Variants in TMEM212 observed in about 807,000 individuals in gnomAD.
TMEM212 encodes the protein transmembrane protein 212.
Under a neutral mutation model 20.5 loss-of-function variants are expected in TMEM212, and 23 were observed. The observed-to-expected ratio is 1.12, with a 90% CI of 0.81 to 1.59. The LOEUF (loss-of-function observed/expected upper bound fraction) is 1.59. TMEM212 is among the 40% of genes most tolerant of loss of function. The pLI is 0.00. For synonymous variants in TMEM212, 76 were observed against 81.6 expected (o/e 0.93, Z 0.37); for missense variants, 211 against 215.0 (o/e 0.98, Z 0.12).
At chr3:171,845,579 A>G (rs1322633474) in intron 1 of TMEM212, among the ~76,000 whole-genome samples, 1 of 152,222 alleles carries the variant, frequency 6.6e-6, no homozygotes, top group East Asian at 1.9e-4. Context: ...TCTAGGCCAA[A>G]CATCTATTTT....
intron 2 of TMEM212, among the ~76,000 whole-genome samples, chr3:171,852,697 T>G (rs954391743): frequency 2.6e-5 from 4 of 152,224 alleles, no homozygotes; most frequent in African/African-American, 9.6e-5. Context: ...TCCAATCTTC[T>G]TGGTACCTCT....
chr3:171,847,567 T>C (rs573797643), intron 1 of TMEM212, among the ~76,000 whole-genome samples: 40 of 152,218 alleles, frequency 2.6e-4, no homozygotes, highest in African/African-American at 9.6e-4. Context: ...TTCAGGATTA[T>C]TGCAATAGGG....
chr3:171,856,562 G>A (rs1211788879), intron 3 of TMEM212, 101 bp from the exon 4 acceptor site: 3 of 516,782 alleles, frequency 5.8e-6, no homozygotes, highest in Non-Finnish European at 1.0e-5. Context: ...TGGTAAATTT[G>A]GGAGCTAAGT....
intron 1 of TMEM212, among the ~76,000 whole-genome samples, chr3:171,847,942 G>A (rs1724876668): frequency 6.6e-6 from 1 of 152,176 alleles, no homozygotes; most frequent in South Asian, 2.1e-4. Context: ...GAAGGTTCAG[G>A]AACCTGACTA....
At chr3:171,853,257 G>T (rs1210327130) in intron 2 of TMEM212, among the ~76,000 whole-genome samples, 1 of 151,610 alleles carries the variant, frequency 6.6e-6, no homozygotes, top group Non-Finnish European at 1.5e-5. Flanking sequence ...GCAAATCGCT[G>T]TGGCACATGT....
intron 3 of TMEM212, among the ~76,000 whole-genome samples, chr3:171,854,460 A>G (rs976615062): frequency 6.6e-6 from 1 of 152,224 alleles, no homozygotes; most frequent in African/African-American, 2.4e-5. Context: ...AAAGATCTGT[A>G]TACTAAAAAC....
At chr3:171,856,755 C>T (rs1395662677) in intron 4 of TMEM212, 48 bp downstream of exon 4, 3 of 604,378 alleles carry the variant, frequency 5.0e-6, no homozygotes, top group Non-Finnish European at 8.9e-6. Context: ...AATATAAAAG[C>T]ACACAGATTA....
At position 171,852,426 on chromosome 3, in the gene TMEM212, C is replaced by T. The variant is rs185001228; in HGVS notation, c.219+385C>T. Reference sequence around the variant, plus strand: ...ATGTTGGCCAGGCTGGTCTCAAACTCCTGACCTCAGGTGATCCACCCACAT... The same window carrying T: ...ATGTTGGCCAGGCTGGTCTCAAACTTCTGACCTCAGGTGATCCACCCACAT... On this transcript the variant is annotated intron_variant, in intron 2 of 4. Coordinates refer to ENST00000334567, the MANE Select transcript of TMEM212 (RefSeq NM_001164436.2). Among the ~76,000 whole-genome samples the T allele has an allele frequency of 1.3e-3, 198 of 152,266 alleles. 1 individual carries two copies. The highest frequency in any genetic ancestry group is 4.7e-3 in the African/African-American group (195 of 41,548).
Position 171,843,461 on chromosome 3 carries a change from T to G in TMEM212, c.78T>G (p.Ala26=), listed in dbSNP as rs1389146134. The G allele has an allele frequency of 6.5e-7, 1 of 1,537,186 alleles. No individual in the cohort carries two copies. The highest frequency in any genetic ancestry group is 2.0e-5 in the Admixed American group (1 of 50,996). ...GILSVCSGVI[A]FFPVFSYKPW... is the part of the protein sequence containing the mutation. ...TCAGTGTATGCTCTGGAGTTATTGC[T>G]TTCTTTCCTGTCTTTTCTTACAAGC... is the stretch of plus-strand genomic sequence containing the variant. Residue 26 remains alanine, a synonymous_variant, in exon 1 of 5, where the codon GCT becomes GCG. Transcript: ENST00000334567.
intron 2 of TMEM212, among the ~76,000 whole-genome samples, chr3:171,852,696 C>G (rs1725004804): frequency 6.6e-6 from 1 of 152,208 alleles, no homozygotes; most frequent in South Asian, 2.1e-4. Flanking sequence ...TTCCAATCTT[C>G]TTGGTACCTC....
intron 1 of TMEM212, among the ~76,000 whole-genome samples, chr3:171,851,382 A>G (rs1724972737): frequency 6.6e-6 from 1 of 152,220 alleles, no homozygotes; most frequent in Non-Finnish European, 1.5e-5. Context: ...GAGACTATAA[A>G]GAAAAACTCT....
chr3:171,850,619 G>A (rs1724954596), intron 1 of TMEM212, among the ~76,000 whole-genome samples: 1 of 152,198 alleles, frequency 6.6e-6, no homozygotes, highest in Non-Finnish European at 1.5e-5. Flanking sequence ...TTACCCTACA[G>A]CACCGGTGTT....
chr3:171,845,283 T>C (rs954993434), intron 1 of TMEM212, among the ~76,000 whole-genome samples: 3 of 152,222 alleles, frequency 2.0e-5, no homozygotes, highest in Non-Finnish European at 2.9e-5. Flanking sequence ...TAAATAGATA[T>C]CTACATCTAT....
intron 1 of TMEM212, among the ~76,000 whole-genome samples, chr3:171,846,492 C>A (rs1003304715): frequency 4.6e-5 from 7 of 152,144 alleles, no homozygotes; most frequent in African/African-American, 1.4e-4. Context: ...ATGTTTACTG[C>A]TGTATCTGAA....
intron 1 of TMEM212, among the ~76,000 whole-genome samples, chr3:171,845,795 T>C (rs141387278): frequency 2.4e-4 from 36 of 152,302 alleles, no homozygotes; most frequent in African/African-American, 8.2e-4. Context: ...TCATTCCCTT[T>C]ATCTGTAAAA....
intron 1 of TMEM212, among the ~76,000 whole-genome samples, chr3:171,849,593 C>T (rs556241573): frequency 1.3e-5 from 2 of 152,296 alleles, no homozygotes; most frequent in East Asian, 1.9e-4. Flanking sequence ...ATTACTTTAT[C>T]AGCACAGTAC....
At chr3:171,850,641 T>C (rs985152355) in intron 1 of TMEM212, among the ~76,000 whole-genome samples, 1 of 152,216 alleles carries the variant, frequency 6.6e-6, no homozygotes, top group South Asian at 2.1e-4. Flanking sequence ...CAGTTGCTCT[T>C]AATAATTCTT....
At chr3:171,857,272 G>T (rs1446290920) in intron 4 of TMEM212, among the ~76,000 whole-genome samples, 3 of 152,074 alleles carry the variant, frequency 2.0e-5, no homozygotes, top group Non-Finnish European at 4.4e-5. Flanking sequence ...TTTGACAAGG[G>T]TGTCAGGAAT....
intron 1 of TMEM212, among the ~76,000 whole-genome samples, chr3:171,850,163 GAAA>G (rs1724940504): frequency 6.6e-6 from 1 of 152,118 alleles, no homozygotes; most frequent in Non-Finnish European, 1.5e-5. Flanking sequence ...GCATCTTGGG[GAAA>G]ATAGCCCTAT....
Sources: allele counts gnomAD v4.1 joint callset (sites outside exome capture counted in the v4.1 genomes callset), GRCh38; gene constraint gnomAD v4.1.1; transcripts MANE v1.5; gene names NCBI Gene and HGNC (gene_info 2026-07-23, HGNC 2026-07-21).